Variants in EPHA10 observed in about 807,000 individuals in gnomAD.
The protein encoded by EPHA10 is EPH receptor A10.
A neutral mutation model predicts 109.7 loss-of-function variants in EPHA10; 120 were observed. That is an observed-to-expected ratio of 1.09 (90% confidence interval 0.94 to 1.27). The LOEUF is 1.27. EPHA10 is among the 50% of genes most tolerant of loss of function. The pLI is 0.00. For missense variants in EPHA10, 1,396 were observed against 1,411.1 expected, an observed-to-expected ratio of 0.99 and a Z score of 0.17; for synonymous variants, 640 against 618.9, an observed-to-expected ratio of 1.03 and a Z score of -0.51.
Position 37,718,232 on chromosome 1 carries a change from T to C in EPHA10, c.*140A>G. 2.8e-6 allele frequency: 2 copies of C among 721,560 alleles called. No homozygotes were observed. The highest frequency in any genetic ancestry group is 2.7e-5 in the Admixed American group (1 of 37,652). 44.7% of individuals were successfully genotyped at this position (721,560 alleles called of 1,614,324 possible). A position where few individuals can be genotyped will look rare whatever the true frequency, so the allele number is the denominator to read the frequency against. ...GCAGGCAGTGAAAGCGGGGAAGCTG[T>C]GGCCCCACCAGATCTGGGCCCAAGC... On this transcript the variant is annotated 3_prime_UTR_variant, in exon 17 of 17. Coordinates refer to ENST00000373048, the MANE Select transcript of EPHA10 (RefSeq NM_001099439.2).
At position 37,720,342 on chromosome 1, in the gene EPHA10, C is replaced by G; in HGVS notation, c.2412+9G>C. ...AGGCACAGGCAGGCTTGGCTGGGGG[C>G]GCCCTCACCATAGTGGTGTAGACAG... is the stretch of plus-strand genomic sequence containing the variant. On this transcript the variant is annotated intron_variant, in intron 13 of 16. Coordinates refer to ENST00000373048, the MANE Select transcript of EPHA10 (RefSeq NM_001099439.2). The G allele has an allele frequency of 6.3e-7, 1 of 1,582,238 alleles. No individual in the cohort carries two copies. Among genetic ancestry groups the G allele is most frequent in the Admixed American group, 1.8e-5 (1 of 56,276 alleles).
intron 8 of EPHA10, among the ~76,000 whole-genome samples, chr1:37,724,357 G>T (rs894365302): frequency 3.3e-5 from 5 of 152,180 alleles, no homozygotes; most frequent in African/African-American, 9.7e-5. Flanking sequence ...TAAGACGGGC[G>T]TTCGACGTGT....
chr1:37,741,306 A>C (rs565837532), intron 5 of EPHA10, among the ~76,000 whole-genome samples: 2 of 152,338 alleles, frequency 1.3e-5, no homozygotes, highest in South Asian at 4.2e-4. Flanking sequence ...TGATGATTCA[A>C]ACTTCCCACT....
intron 5 of EPHA10, among the ~76,000 whole-genome samples, chr1:37,740,354 G>A (rs748453385): frequency 6.6e-6 from 1 of 152,056 alleles, no homozygotes. Flanking sequence ...CACCCAGGCT[G>A]GAGAGCAGGG....
chr1:37,751,993 T>C (rs1221764160), intron 5 of EPHA10, among the ~76,000 whole-genome samples: 1 of 152,200 alleles, frequency 6.6e-6, no homozygotes, highest in African/African-American at 2.4e-5. Flanking sequence ...AAAATAACCC[T>C]AGCCTCAGAC....
At chr1:37,751,220 A>G (rs1646319487) in intron 5 of EPHA10, among the ~76,000 whole-genome samples, 1 of 115,572 alleles carries the variant, frequency 8.7e-6, no homozygotes, top group African/African-American at 3.2e-5. Context: ...AAAAAAAAGA[A>G]AGAAAGAAAG....
intron 5 of EPHA10, among the ~76,000 whole-genome samples, chr1:37,751,863 C>G (rs1006534343): frequency 1.4e-5 from 2 of 147,708 alleles, no homozygotes; most frequent in Non-Finnish European, 3.0e-5. Context: ...CAGAGCAAGA[C>G]TCTGTCTCAA....
At chr1:37,755,341 C>A (rs1388845672) in intron 3 of EPHA10, among the ~76,000 whole-genome samples, 1 of 133,312 alleles carries the variant, frequency 7.5e-6, no homozygotes, top group African/African-American at 2.8e-5. Context: ...CACACACACA[C>A]ACACCCTCCC....
At chr1:37,715,209 T>C (rs1053238059), downstream of EPHA10, among the ~76,000 whole-genome samples, 1 of 152,142 alleles carries the variant, frequency 6.6e-6, no homozygotes, top group Non-Finnish European at 1.5e-5. Context: ...TATGTGTTTT[T>C]AGTAGAGATG....
At chr1:37,759,803 A>G (rs992795049) in intron 3 of EPHA10, among the ~76,000 whole-genome samples, 6 of 152,182 alleles carry the variant, frequency 3.9e-5, no homozygotes, top group South Asian at 2.1e-4. Flanking sequence ...TCTAAAAAAA[A>G]AAAAAGAAGT....
chr1:37,753,595 T>C (rs937177117), intron 4 of EPHA10, among the ~76,000 whole-genome samples: 1 of 150,832 alleles, frequency 6.6e-6, no homozygotes, highest in Admixed American at 6.6e-5. Flanking sequence ...GGGAGATTGG[T>C]ACAGAGATGG....
chr1:37,761,601 C>T lies in EPHA10; in HGVS notation c.654G>A (p.Leu218=). ...CGGCTGCGGTGGCTGGGAACGTGGC[C>T]AGGCCCCGCACGGTGGCGCGGCACT... ...YKQCRATVRG[L]ATFPATAAES... The change falls in exon 3 of 17, where the codon CTG becomes CTA. Residue 218 remains leucine, a synonymous_variant. Transcript: ENST00000373048. 1 of 1,601,270 alleles carries T rather than the reference C, an allele frequency of 6.2e-7. No homozygotes were observed.
chr1:37,752,704 G>A (rs1057085984), intron 5 of EPHA10, among the ~76,000 whole-genome samples, 172 bp downstream of exon 5: 9 of 151,544 alleles, frequency 5.9e-5, no homozygotes, highest in Non-Finnish European at 1.0e-4. Context: ...ACTGACGCTG[G>A]GGCGTCCGGG....
Position 37,764,401 on chromosome 1 carries a change from C to T in EPHA10, c.106+560G>A, listed in dbSNP as rs1646458126. The stretch of plus-strand genomic sequence containing the variant: ...AGAGGCAAGACGCGGGCTCCAGTAT[C>T]GCCGACAGCCTCAAACCCGGCAACG... On this transcript the variant is annotated intron_variant, in intron 1 of 16. Coordinates refer to ENST00000373048, the MANE Select transcript of EPHA10 (RefSeq NM_001099439.2). The surrounding 1 kb of genome is among the most constrained non-coding windows in gnomAD (Gnocchi z 5.8). Among the ~76,000 whole-genome samples, 1 of 152,238 alleles carries T rather than the reference C, an allele frequency of 6.6e-6. No individual in the cohort carries two copies. The highest frequency in any genetic ancestry group is 2.4e-5 in the African/African-American group (1 of 41,472).
intron 5 of EPHA10, among the ~76,000 whole-genome samples, chr1:37,743,672 A>ACG (rs1557549391): frequency 1.9e-5 from 1 of 53,716 alleles, no homozygotes; most frequent in Admixed American, 2.6e-4. Context: ...AATAAATTAC[A>ACG]TGATACTCAG....
chr1:37,735,219 C>A (rs181474540), intron 6 of EPHA10, 38 bp downstream of exon 6: 2 of 1,557,356 alleles, frequency 1.3e-6, no homozygotes, highest in African/African-American at 1.4e-5. Flanking sequence ...GGGACAGGTG[C>A]GGGGCAGGCT....
chr1:37,735,366 C>G lies in EPHA10; in HGVS notation c.1382G>C (p.Arg461Pro), dbSNP rs1427714145. ...PGAPWEEDEI[R>P]RDRVEPQSVS... ...GCTCTGGGGTTCCACTCGGTCCCTG[C>G]GGATCTCATCCTCCTCCCAGGGCGC... The change falls in exon 6 of 17, where the codon CGC becomes CCC. Residue 461 changes from arginine (R) to proline (P), a missense_variant. Arg to Pro is a moderately radical substitution (Grantham distance 103). Transcript: ENST00000373048. 6.3e-7 allele frequency: 1 copy of G among 1,579,252 alleles called. No homozygotes were observed. Among genetic ancestry groups the G allele is most frequent in the Non-Finnish European group, 8.6e-7 (1 of 1,162,628 alleles).
intron 3 of EPHA10, chr1:37,761,006 C>A (rs1025410805): frequency 6.0e-6 from 2 of 336,118 alleles, no homozygotes; most frequent in African/African-American, 4.3e-5. Context: ...ATTGCTTGAA[C>A]CCAGGAGGTG....
At chr1:37,720,987 C>T (rs1645784988) in intron 11 of EPHA10, 143 bp from the exon 12 acceptor site, 1 of 718,280 alleles carries the variant, frequency 1.4e-6, no homozygotes, top group South Asian at 1.8e-5. Flanking sequence ...TCCTGCCCAG[C>T]CCAGGGTCCT....
Sources: allele counts gnomAD v4.1 joint callset (sites outside exome capture counted in the v4.1 genomes callset), GRCh38; gene constraint gnomAD v4.1.1; non-coding constraint Gnocchi (gnomAD v3.1); transcripts MANE v1.5; gene names NCBI Gene and HGNC (gene_info 2026-07-23, HGNC 2026-07-21).